The following CAV1 variants were observed in gnomAD, a reference collection of about 807,000 sequenced individuals.
CAV1 encodes caveolin-1.
Under a neutral mutation model 16.5 loss-of-function variants are expected in CAV1, and 10 were observed. The observed-to-expected ratio is 0.61, with a 90% CI of 0.37 to 1.03. The LOEUF is 1.03. Ranked by LOEUF, CAV1 falls within the 50% of genes least tolerant of loss-of-function variation. CAV1 has a pLI of 0.01. For missense variants in CAV1, 212 were observed against 232.8 expected, an observed-to-expected ratio of 0.91 and a Z score of 0.58; for synonymous variants, 76 against 85.1, an observed-to-expected ratio of 0.89 and a Z score of 0.59.
At chr7:116,546,697 C>CAAAAAAAAA (rs5886830) in intron 2 of CAV1, among the ~76,000 whole-genome samples, 4 of 88,400 alleles carry the variant, frequency 4.5e-5, no homozygotes, top group Non-Finnish European at 7.0e-5. Context: ...GACTCTGTCA[C>CAAAAAAAAA]AAAAAAAAAA....
In CAV1 at chr7:116,559,896, A is replaced by G. The variant is rs960949225; in HGVS notation, c.*609A>G. The G allele has an allele frequency of 1.0e-5, 4 of 399,280 alleles. No homozygotes were observed. Among genetic ancestry groups the G allele is most frequent in the African/African-American group, 4.1e-5 (2 of 48,562 alleles). The allele number at this position is 399,280 out of a possible 1,614,324, so 24.7% of individuals were successfully genotyped here. A position where few individuals can be genotyped will look rare whatever the true frequency, so the allele number is the denominator to read the frequency against. ...ACTCTTCTTGAAATTTTAACCTATG[A>G]TATTTTCTGTGCCTGAATATTTGTT... On this transcript the variant is annotated 3_prime_UTR_variant, in exon 3 of 3. Transcript: ENST00000341049.
rs187498039 is a variant in CAV1 at position 116,561,174 on chromosome 7, G to T, written c.*1887G>T. On this transcript the variant is annotated 3_prime_UTR_variant, in exon 3 of 3. Coordinates refer to ENST00000341049, the MANE Select transcript of CAV1 (RefSeq NM_001753.5). Reference sequence around the variant, plus strand: ...GCCTGCACAATAAAAATGTTTAACGGTTAAACAGTCAGCTTTATTATTTTT... The same window carrying T: ...GCCTGCACAATAAAAATGTTTAACGTTTAAACAGTCAGCTTTATTATTTTT... 1.3e-5 allele frequency: 2 copies of T among 152,296 alleles called. No individual in the cohort carries two copies. The highest frequency in any genetic ancestry group is 2.1e-4 in the South Asian group (1 of 4,828). 9.4% of individuals were successfully genotyped at this position (152,296 alleles called of 1,614,324 possible).
At chr7:116,545,769 G>C (rs993216428) in intron 2 of CAV1, among the ~76,000 whole-genome samples, 2 of 152,212 alleles carry the variant, frequency 1.3e-5, no homozygotes, top group Admixed American at 6.5e-5. Flanking sequence ...TCCGTTTCTT[G>C]TGTCTTTGAT....
At chr7:116,533,848 A>C (rs895115058) in intron 2 of CAV1, among the ~76,000 whole-genome samples, 4 of 152,194 alleles carry the variant, frequency 2.6e-5, no homozygotes, top group Non-Finnish European at 5.9e-5. Context: ...ATTTTTAGGC[A>C]ATTTACTTCT....
At position 116,560,662 on chromosome 7, in the gene CAV1, C is replaced by G. The variant is rs1198223832; in HGVS notation, c.*1375C>G. On this transcript the variant is annotated 3_prime_UTR_variant, in exon 3 of 3. Transcript: ENST00000341049. ...CTGTAAACCTGAGTCGTACAGAAAG[C>G]TGCCTGGTATATCCAAAAGCTTTTT... 2 of 152,656 alleles carry G rather than the reference C, an allele frequency of 1.3e-5. No individual in the cohort carries two copies. The highest frequency in any genetic ancestry group is 4.8e-5 in the African/African-American group (2 of 41,468). The allele number at this position is 152,656 out of a possible 1,614,324, so 9.5% of individuals were successfully genotyped here.
chr7:116,560,404 G>A lies in CAV1; in HGVS notation c.*1117G>A, dbSNP rs903931514. 7.2e-5 allele frequency: 11 copies of A among 152,256 alleles called. No individual in the cohort carries two copies. The East Asian group carries it at 1.5e-3, about 21-fold the overall frequency. 9.4% of individuals were successfully genotyped at this position (152,256 alleles called of 1,614,324 possible). On this transcript the variant is annotated 3_prime_UTR_variant, in exon 3 of 3. Coordinates refer to ENST00000341049, the MANE Select transcript of CAV1 (RefSeq NM_001753.5). ...TCCAAGGAGGGGCTGTAAAATGGAG[G>A]CCATTGTGTGAGCCTATCAGAGTTG... is the stretch of plus-strand genomic sequence containing the variant.
At chr7:116,534,377 A>ATTTTTTTTTTTTTT (rs1793753354) in intron 2 of CAV1, among the ~76,000 whole-genome samples, 1 of 14,768 alleles carries the variant, frequency 6.8e-5, no homozygotes, top group South Asian at 3.8e-3. Context: ...ATATATATAT[A>ATTTTTTTTTTTTTT]TATATATATA....
chr7:116,528,109 CAAG>C (rs1483330864), intron 2 of CAV1, among the ~76,000 whole-genome samples: 2 of 118,976 alleles, frequency 1.7e-5, no homozygotes, highest in Non-Finnish European at 3.3e-5. Flanking sequence ...TGGCTTTGAA[CAAG>C]AAGGAGAGTT....
At chr7:116,541,687 G>A (rs1793938941) in intron 2 of CAV1, among the ~76,000 whole-genome samples, 3 of 151,236 alleles carry the variant, frequency 2.0e-5, no homozygotes, top group Non-Finnish European at 2.9e-5. Flanking sequence ...CCAGGAAGTC[G>A]AGGCTGCAGT....
intron 2 of CAV1, among the ~76,000 whole-genome samples, chr7:116,557,876 C>T (rs1794322431): frequency 6.6e-6 from 1 of 152,154 alleles, no homozygotes; most frequent in Non-Finnish European, 1.5e-5. Context: ...CTACACTCCC[C>T]TGCTCCCACA....
chr7:116,557,609 A>T (rs535077581), intron 2 of CAV1, among the ~76,000 whole-genome samples: 2 of 152,090 alleles, frequency 1.3e-5, no homozygotes, highest in Non-Finnish European at 2.9e-5. Flanking sequence ...TACCTGGGAG[A>T]GCTATTGGGA....
At position 116,559,198 on chromosome 7, in the gene CAV1, A is replaced by G. The variant is rs140936491; in HGVS notation, c.448A>G (p.Ile150Val). 135 of 1,613,990 alleles carry G rather than the reference A, an allele frequency of 8.4e-5. No homozygotes were observed. The highest frequency in any genetic ancestry group is 3.3e-4 in the Admixed American group (20 of 59,994). Residue 150 changes from isoleucine (I) to valine (V), a missense_variant, in exon 3 of 3, where the codon ATC becomes GTC. Coordinates refer to ENST00000341049, the MANE Select transcript of CAV1 (RefSeq NM_001753.5). ...TCAGTGCATCAGCCGTGTCTATTCC[A>G]TCTACGTCCACACCGTCTGTGACCC... The part of the protein sequence containing the change: ...EIQCISRVYS[I>V]YVHTVCDPLF...
In CAV1 at chr7:116,525,108, G is replaced by A. The variant is rs148066554; in HGVS notation, c.30+16G>A. 5,261 of 1,614,228 alleles carry A rather than the reference G, an allele frequency of 3.3e-3. 13 individuals are homozygous for A. Among genetic ancestry groups the A allele is most frequent in the Non-Finnish European group, 4.1e-3 (4,805 of 1,180,036 alleles). Reference sequence around the variant, plus strand: ...AGACTCGGAGGTAGGCATCCGTGGGGGGGCGCCGGCTCGGGCGTGCGGGGA... The same window carrying A: ...AGACTCGGAGGTAGGCATCCGTGGGAGGGCGCCGGCTCGGGCGTGCGGGGA... On this transcript the variant is annotated intron_variant, in intron 1 of 2. Transcript: ENST00000341049.
intron 1 of CAV1, chr7:116,526,096 T>C: frequency 4.6e-6 from 1 of 218,238 alleles, no homozygotes; most frequent in African/African-American, 2.3e-5. Flanking sequence ...GCGAAACAGG[T>C]GAAGCGCTCA....
At chr7:116,525,114 C>T (rs1231819376) in intron 1 of CAV1, 22 bp downstream of exon 1, 39 of 1,614,044 alleles carry the variant, frequency 2.4e-5, no homozygotes, top group Non-Finnish European at 3.3e-5. Flanking sequence ...TGGGGGGGCG[C>T]CGGCTCGGGC....
intron 2 of CAV1, among the ~76,000 whole-genome samples, chr7:116,555,282 C>T (rs1794236694): frequency 1.3e-5 from 2 of 151,230 alleles, no homozygotes; most frequent in Admixed American, 6.6e-5. Flanking sequence ...CTCATCTCTA[C>T]AAAAAGCAAA....
At chr7:116,532,970 G>A (rs1296466125) in intron 2 of CAV1, among the ~76,000 whole-genome samples, 1 of 152,122 alleles carries the variant, frequency 6.6e-6, no homozygotes, top group East Asian at 1.9e-4. Context: ...AGGCCCATAG[G>A]TTTATCTTCC....
intron 2 of CAV1, among the ~76,000 whole-genome samples, chr7:116,536,799 C>T (rs930733228): frequency 2.6e-5 from 4 of 151,408 alleles, no homozygotes; most frequent in Non-Finnish European, 5.9e-5. Flanking sequence ...GTCAGGAGAT[C>T]GAGACCATCC....
intron 2 of CAV1, among the ~76,000 whole-genome samples, chr7:116,532,042 A>G (rs1229954260): frequency 6.6e-6 from 1 of 152,174 alleles, no homozygotes; most frequent in African/African-American, 2.4e-5. Context: ...TCCCTCCTCC[A>G]TCTATTAACT....
Sources: gnomAD v4.1 joint callset for allele counts (sites outside exome capture counted in the v4.1 genomes callset) on GRCh38, gnomAD v4.1.1 for gene constraint, MANE v1.5 for transcripts, NCBI Gene and HGNC (gene_info 2026-07-23, HGNC 2026-07-21) for gene names.